SLC28A3: variants seen among roughly 807,000 people sequenced by gnomAD.
The protein encoded by SLC28A3 is concentrative Na(+)-nucleoside cotransporter 3.
A neutral mutation model predicts 84.2 loss-of-function variants in SLC28A3; 68 were observed. The observed-to-expected ratio is 0.81, with a 90% CI of 0.66 to 0.99. The LOEUF (loss-of-function observed/expected upper bound fraction) is 0.99. Ranked by LOEUF, SLC28A3 falls within the 50% of genes least tolerant of loss-of-function variation. SLC28A3 has a pLI of 0.00. For missense variants in SLC28A3, 712 were observed against 841.5 expected (o/e 0.85, Z 1.90); for synonymous variants, 267 against 303.6 (o/e 0.88, Z 1.25).
At chr9:84,319,385 C>T (rs1293597932) in intron 1 of SLC28A3, among the ~76,000 whole-genome samples, 4 of 152,174 alleles carry the variant, frequency 2.6e-5, no homozygotes, top group Non-Finnish European at 4.4e-5. Context: ...TCATCATGGA[C>T]TGGGTGCAGT....
In SLC28A3 at chr9:84,313,370, T is replaced by C. The variant is rs1317922474; in HGVS notation, c.145A>G (p.Asn49Asp). Residue 49 changes from asparagine (N) to aspartate (D), a missense_variant, in exon 2 of 18, where the codon AAC becomes GAC. Asn to Asp is a conservative substitution (Grantham distance 23). Transcript: ENST00000376238. ...SRAVQSREHT[N>D]TKQDEEQVTV... is the part of the protein sequence containing the mutation. The stretch of plus-strand genomic sequence containing the variant: ...CAGTCTTGCTGTACCTGTTTGGTGT[T>C]TGTGTGCTCCCTGCTTTGCACAGCT... The C allele has an allele frequency of 6.2e-7, 1 of 1,614,094 alleles. No homozygotes were observed. Among genetic ancestry groups the C allele is most frequent in the Admixed American group, 1.7e-5 (1 of 60,018 alleles).
At chr9:84,310,167 G>A (rs1825942790) in intron 2 of SLC28A3, among the ~76,000 whole-genome samples, 1 of 152,210 alleles carries the variant, frequency 6.6e-6, no homozygotes, top group African/African-American at 2.4e-5. Flanking sequence ...GGCTTGGTCT[G>A]TGAATATGAA....
rs7864356 is a variant in SLC28A3 at position 84,321,915 on chromosome 9, T to C, written c.61-8461A>G. 8.4e-3 allele frequency among the ~76,000 whole-genome samples: 1,271 copies of C among 151,948 alleles called. 21 individuals carry two copies. The highest frequency in any genetic ancestry group is 0.03 in the African/African-American group (1,228 of 41,460). On this transcript the variant is annotated intron_variant, in intron 1 of 17. Transcript: ENST00000376238. Reference sequence around the variant, plus strand: ...AAACACAAAAATTAATCAGGTGTGGTGGTGAGCGCCTGTAATCACAGCTAC... The same window carrying C: ...AAACACAAAAATTAATCAGGTGTGGCGGTGAGCGCCTGTAATCACAGCTAC...
At position 84,297,952 on chromosome 9, in the gene SLC28A3, G is replaced by A. The variant is rs758844484; in HGVS notation, c.737C>T (p.Thr246Ile). ...ATCAAAAGCTATAAATCCAGGGTCA[G>A]TCCTTAGAATCAAGAGCCCAAGAAG... ...QFLLGLLILRTDPGFIAFDWL... is the reference protein window; with the variant it reads ...QFLLGLLILRIDPGFIAFDWL... Residue 246 changes from threonine to isoleucine, a missense_variant, in exon 7 of 18, where the codon ACT becomes ATT. By Grantham distance (89) the Thr-to-Ile change is moderately conservative (BLOSUM62 -1). Coordinates refer to ENST00000376238, the MANE Select transcript of SLC28A3 (RefSeq NM_001199633.2). 1.9e-6 allele frequency: 3 copies of A among 1,612,340 alleles called. No homozygotes were observed. In the South Asian group the frequency reaches 3.3e-5, roughly 18 times the overall value.
the SLC28A3 span, among the ~76,000 whole-genome samples, chr9:84,350,169 G>A: frequency 2.6e-5 from 4 of 152,320 alleles, no homozygotes; most frequent in African/African-American, 7.2e-5. Context: ...GGCCCGGCAC[G>A]GTGGCTCATG....
chr9:84,342,673 T>C (rs1459981090), upstream of SLC28A3, among the ~76,000 whole-genome samples: 2 of 152,060 alleles, frequency 1.3e-5, no homozygotes, highest in Non-Finnish European at 2.9e-5. Flanking sequence ...CCACCTGCCT[T>C]GGTTTCCAAA....
intron 2 of SLC28A3, among the ~76,000 whole-genome samples, chr9:84,312,159 G>A (rs1268393625): frequency 6.6e-6 from 1 of 152,130 alleles, no homozygotes; most frequent in Non-Finnish European, 1.5e-5. Context: ...CCAAGTGTTG[G>A]CAATTACAAA....
chr9:84,307,207 G>T (rs905196358), intron 3 of SLC28A3, among the ~76,000 whole-genome samples: 26 of 150,994 alleles, frequency 1.7e-4, no homozygotes, highest in Non-Finnish European at 3.1e-4. Context: ...AAGGCGGGTG[G>T]ATCAACTGAG....
chr9:84,364,116 C>A, the SLC28A3 span, among the ~76,000 whole-genome samples: 1 of 139,146 alleles, frequency 7.2e-6, no homozygotes, highest in Non-Finnish European at 1.5e-5. Context: ...AATCCAGTTA[C>A]ACTCTTTTTT....
chr9:84,322,984 C>T (rs1826426667), intron 1 of SLC28A3, among the ~76,000 whole-genome samples: 1 of 152,210 alleles, frequency 6.6e-6, no homozygotes, highest in African/African-American at 2.4e-5. Context: ...CAGCCATGCT[C>T]TCCTGGGCTG....
At chr9:84,311,271 A>T (rs1266440611) in intron 2 of SLC28A3, among the ~76,000 whole-genome samples, 2 of 152,202 alleles carry the variant, frequency 1.3e-5, no homozygotes, top group Non-Finnish European at 2.9e-5. Context: ...TTATGAAAAA[A>T]ATATTTTAAA....
At chr9:84,367,495 C>T in the SLC28A3 span, among the ~76,000 whole-genome samples, 7,360 of 152,144 alleles carry the variant, frequency 0.048, 228 homozygotes, top group African/African-American at 0.09. Context: ...CAGGTGGAGA[C>T]GAGAGACTGA....
intron 1 of SLC28A3, among the ~76,000 whole-genome samples, chr9:84,314,586 G>C (rs1826102725): frequency 6.9e-6 from 1 of 145,866 alleles, no homozygotes; most frequent in South Asian, 2.1e-4. Context: ...ACACAAGAAT[G>C]AATAAACATG....
chr9:84,316,718 C>A (rs1297686094), intron 1 of SLC28A3, among the ~76,000 whole-genome samples: 1 of 152,212 alleles, frequency 6.6e-6, no homozygotes, highest in Non-Finnish European at 1.5e-5. Context: ...GTGTAAAACT[C>A]TTGTCTGGGC....
the SLC28A3 span, among the ~76,000 whole-genome samples, chr9:84,364,784 T>A: frequency 0.019 from 2,906 of 152,298 alleles, 30 homozygotes; most frequent in South Asian, 0.038. Flanking sequence ...TGTCTTTCTG[T>A]GCCTAGCTTA....
rs79590543 is a variant in SLC28A3, at chr9:84,302,439, C to T, written c.335-50G>A. The stretch of plus-strand genomic sequence containing the variant: ...CTGAACATCACTAACCACTGGGACA[C>T]GCCTCCAGGCTCCAGCCTTGTTCTG... On this transcript the variant is annotated intron_variant, in intron 4 of 17. Coordinates refer to ENST00000376238, the MANE Select transcript of SLC28A3 (RefSeq NM_001199633.2). 6.7e-3 allele frequency: 10,467 copies of T among 1,571,284 alleles called. 61 individuals carry two copies. Among genetic ancestry groups the T allele is most frequent in the East Asian group, 7.9e-3 (345 of 43,872 alleles).
chr9:84,309,511 A>C (rs1825911156), intron 3 of SLC28A3, 118 bp downstream of exon 3: 1 of 710,462 alleles, frequency 1.4e-6, no homozygotes, highest in Non-Finnish European at 2.2e-6. Context: ...TGACAAAGTG[A>C]GACTCTTATC....
the SLC28A3 span, among the ~76,000 whole-genome samples, chr9:84,360,099 G>A: frequency 1.3e-5 from 2 of 151,846 alleles, no homozygotes; most frequent in Non-Finnish European, 2.9e-5. Context: ...CCTTGAACCT[G>A]TAAGGCTTTG....
At chr9:84,284,243 G>A (rs1362207866) in intron 14 of SLC28A3, among the ~76,000 whole-genome samples, 2 of 152,178 alleles carry the variant, frequency 1.3e-5, no homozygotes, top group Non-Finnish European at 2.9e-5. Flanking sequence ...AAACAATGAG[G>A]ATAATTGGCC....
Sources: gnomAD v4.1 joint callset for allele counts (sites outside exome capture counted in the v4.1 genomes callset) on GRCh38, gnomAD v4.1.1 for gene constraint, MANE v1.5 for transcripts, NCBI Gene and HGNC (gene_info 2026-07-23, HGNC 2026-07-21) for gene names.